The following SASH1 variants were observed in gnomAD, a reference collection of about 807,000 sequenced individuals.
SASH1 encodes the protein SAM and SH3 domain-containing protein 1.
SASH1 carries 44 observed loss-of-function variants against 125.2 expected under a neutral mutation model. That is an observed-to-expected ratio of 0.35 (90% CI 0.28 to 0.45). The LOEUF (loss-of-function observed/expected upper bound fraction) is 0.45. Among genes scored for constraint, SASH1 ranks in the 20% least tolerant of loss-of-function variants. SASH1 has a pLI of 1.00. For missense variants in SASH1, 1,426 were observed against 1,614.5 expected (o/e 0.88, Z 2.00); for synonymous variants, 639 against 649.1 (o/e 0.98, Z 0.24).
chr6:148,347,345 G>T (rs752101508), intron 1 of SASH1, among the ~76,000 whole-genome samples: 2 of 152,134 alleles, frequency 1.3e-5, no homozygotes, highest in Non-Finnish European at 2.9e-5. Flanking sequence ...CCATTTCCCA[G>T]CATGTTTAAA....
chr6:148,270,707 C>T (rs1480203035), upstream of SASH1, among the ~76,000 whole-genome samples: 1 of 152,100 alleles, frequency 6.6e-6, no homozygotes, highest in Non-Finnish European at 1.5e-5. Flanking sequence ...AGGCTCTTAC[C>T]TTCTGTTTTA....
chr6:148,488,760 G>A (rs1157913286), intron 8 of SASH1, among the ~76,000 whole-genome samples: 3 of 152,224 alleles, frequency 2.0e-5, no homozygotes, highest in African/African-American at 4.8e-5. Context: ...ATGTTCATTG[G>A]CCATTTGTGT....
chr6:148,238,166 C>A, the SASH1 span, among the ~76,000 whole-genome samples: 1 of 152,148 alleles, frequency 6.6e-6, no homozygotes, highest in African/African-American at 2.4e-5. Flanking sequence ...CACCTTCCAC[C>A]TCAAAGCCTC....
intron 8 of SASH1, among the ~76,000 whole-genome samples, chr6:148,500,290 G>C (rs1779511255): frequency 6.7e-6 from 1 of 148,856 alleles, no homozygotes; most frequent in Admixed American, 6.7e-5. Context: ...GTTTGTTGTT[G>C]CTACAACCTG....
At chr6:148,260,557 G>C in the SASH1 span, among the ~76,000 whole-genome samples, 4 of 148,240 alleles carry the variant, frequency 2.7e-5, no homozygotes, top group African/African-American at 1.0e-4. Context: ...AATAAGCTAT[G>C]ATCATGCCAC....
At chr6:148,287,703 G>C (rs986361891) in intron 1 of SASH1, among the ~76,000 whole-genome samples, 3 of 16,654 alleles carry the variant, frequency 1.8e-4, no homozygotes, top group Non-Finnish European at 3.1e-4. Context: ...GTGGGGGGGT[G>C]GGGGGTGGTA....
intron 1 of SASH1, among the ~76,000 whole-genome samples, chr6:148,377,204 AACAAAACAAACAAAC>A (rs1782948407): frequency 1.3e-5 from 1 of 76,752 alleles, no homozygotes; most frequent in Non-Finnish European, 2.8e-5. Flanking sequence ...ACAAAAAAAA[AACAAAACAAACAAAC>A]AAACAAAAAA....
chr6:148,312,737 TTACTC>T (rs1780365223), intron 1 of SASH1, among the ~76,000 whole-genome samples: 1 of 152,190 alleles, frequency 6.6e-6, no homozygotes. Context: ...TATTGACCAT[TTACTC>T]TACGCTAGGT....
rs765979541 is a variant in SASH1, at chr6:148,544,459, G to T, written c.2989G>T (p.Ala997Ser). 1.9e-6 allele frequency: 3 copies of T among 1,614,064 alleles called. No homozygotes were observed. Among genetic ancestry groups the T allele is most frequent in the Non-Finnish European group, 2.5e-6 (3 of 1,180,050 alleles). Reference sequence around the variant, plus strand: ...TGCCAAAAAGAGCAGAGAACGCCTTGCTAACGGACTCCACCCTGTTCCCAT... The same window carrying T: ...TGCCAAAAAGAGCAGAGAACGCCTTTCTAACGGACTCCACCCTGTTCCCAT... ...VPAKKSRERL[A>S]NGLHPVPMGP... is the part of the protein sequence containing the mutation. Residue 997 changes from alanine to serine, a missense_variant, in exon 18 of 20, where the codon GCT becomes TCT. Physicochemically the swap from Ala to Ser is moderately conservative, Grantham distance 99. Transcript: ENST00000367467. This position sits in a 1 kb window ranked among gnomAD's most constrained non-coding sequence, Gnocchi z 6.4.
At chr6:148,356,494 C>CTTTTTTTTTTTTTTTTTTTTT (rs57183555) in intron 1 of SASH1, among the ~76,000 whole-genome samples, 5 of 116,264 alleles carry the variant, frequency 4.3e-5, no homozygotes, top group African/African-American at 6.7e-5. Flanking sequence ...ACTTTTAGTT[C>CTTTTTTTTTTTTTTTTTTTTT]TTTTTTTTTT....
intron 1 of SASH1, among the ~76,000 whole-genome samples, chr6:148,292,909 G>A (rs755188843): frequency 2.6e-5 from 4 of 152,078 alleles, no homozygotes; most frequent in South Asian, 2.1e-4. Context: ...AAAATTAGCC[G>A]GGCATGGTGG....
chr6:148,395,336 A>C (rs1019703521), intron 2 of SASH1, among the ~76,000 whole-genome samples: 2 of 152,232 alleles, frequency 1.3e-5, no homozygotes, highest in African/African-American at 4.8e-5. Flanking sequence ...AAACAAAAGG[A>C]CACTCAGCCT....
In SASH1 at chr6:148,466,132, T is replaced by C. The variant is rs181122676; in HGVS notation, c.387-2413T>C. Reference sequence around the variant, plus strand: ...GAAGGAGAGTAGGTCCTAGCCATGTTTTGGCACAATTTGGTGATAAGTGAG... The same window carrying C: ...GAAGGAGAGTAGGTCCTAGCCATGTCTTGGCACAATTTGGTGATAAGTGAG... On this transcript the variant is annotated intron_variant, in intron 4 of 19. Coordinates refer to ENST00000367467, the MANE Select transcript of SASH1 (RefSeq NM_015278.5). 5.5e-3 allele frequency among the ~76,000 whole-genome samples: 837 copies of C among 152,306 alleles called. 9 individuals carry two copies. Among genetic ancestry groups the C allele is most frequent in the African/African-American group, 0.019 (800 of 41,552 alleles).
At chr6:148,265,457 A>T in the SASH1 span, among the ~76,000 whole-genome samples, 1 of 152,182 alleles carries the variant, frequency 6.6e-6, no homozygotes, top group Non-Finnish European at 1.5e-5. Context: ...GCACCATAAA[A>T]TTGTGCTGAA....
At chr6:148,304,089 G>C (rs1780052070) in intron 1 of SASH1, among the ~76,000 whole-genome samples, 1 of 152,142 alleles carries the variant, frequency 6.6e-6, no homozygotes, top group Admixed American at 6.5e-5. Context: ...TGGATCACGA[G>C]GTCAGGAGTT....
chr6:148,297,005 G>A (rs1460341993), intron 1 of SASH1, among the ~76,000 whole-genome samples: 2 of 152,198 alleles, frequency 1.3e-5, no homozygotes, highest in African/African-American at 2.4e-5. Flanking sequence ...GGAAAGAAAG[G>A]CCTTCAGGGA....
intron 8 of SASH1, among the ~76,000 whole-genome samples, chr6:148,496,075 T>A (rs1322851007): frequency 6.6e-6 from 1 of 152,030 alleles, no homozygotes; most frequent in Non-Finnish European, 1.5e-5. Flanking sequence ...GTCGAACTCC[T>A]GACCTCAGGT....
intron 4 of SASH1, among the ~76,000 whole-genome samples, chr6:148,445,036 G>A (rs1341248136): frequency 6.6e-6 from 1 of 152,168 alleles, no homozygotes; most frequent in Non-Finnish European, 1.5e-5. Flanking sequence ...AAACTGTCAT[G>A]GTGCTGCTAG....
At chr6:148,195,162 C>A in the SASH1 span, among the ~76,000 whole-genome samples, 4 of 152,214 alleles carry the variant, frequency 2.6e-5, no homozygotes, top group African/African-American at 9.7e-5. Flanking sequence ...GAAACTCAAT[C>A]ATTTCTATGC....
Sources: gnomAD v4.1 joint callset for allele counts (sites outside exome capture counted in the v4.1 genomes callset) on GRCh38, gnomAD v4.1.1 for gene constraint, Gnocchi (gnomAD v3.1) non-coding constraint, MANE v1.5 for transcripts, NCBI Gene and HGNC (gene_info 2026-07-23, HGNC 2026-07-21) for gene names.